The following MMP16 variants were observed in gnomAD, a reference collection of about 807,000 sequenced individuals.
The protein encoded by MMP16 is matrix metallopeptidase 16, also known as matrix metalloproteinase-16.
MMP16 carries 12 observed loss-of-function variants against 67.8 expected under a neutral mutation model. The observed-to-expected ratio is 0.18, with a 90% CI of 0.11 to 0.29. The LOEUF (loss-of-function observed/expected upper bound fraction) is 0.29. Ranked by LOEUF, MMP16 falls within the 10% of genes least tolerant of loss-of-function variation. The pLI, the probability that MMP16 is intolerant of heterozygous loss-of-function variation, is 1.00. For missense variants in MMP16, 475 were observed against 765.7 expected (o/e 0.62, Z 4.48); for synonymous variants, 249 against 255.9 (o/e 0.97, Z 0.26).
intron 7 of MMP16, among the ~76,000 whole-genome samples, chr8:88,072,809 T>C (rs1042609400): frequency 6.6e-6 from 1 of 152,174 alleles, no homozygotes; most frequent in Non-Finnish European, 1.5e-5. Context: ...GTGGGTAATT[T>C]CAATTCTTTT....
intron 4 of MMP16, among the ~76,000 whole-genome samples, chr8:88,144,037 G>C (rs1248617875): frequency 1.3e-5 from 2 of 151,822 alleles, no homozygotes; most frequent in African/African-American, 4.8e-5. Flanking sequence ...AATAAACTGT[G>C]CCAGTAAAAT....
In MMP16 at chr8:88,041,846, T is replaced by C. The variant is rs751418739; in HGVS notation, c.1490-51A>G. On this transcript the variant is annotated intron_variant, in intron 9 of 9. Transcript: ENST00000286614. The surrounding 1 kb of genome is among the most constrained non-coding windows in gnomAD (Gnocchi z 6.0). ...CAGGTACCACTTATTTGTGACAGTG[T>C]ATATGTAGAGAAATGTTACTAAAAT... 26 of 1,354,096 alleles carry C rather than the reference T, an allele frequency of 1.9e-5. No homozygotes were observed. Among genetic ancestry groups the C allele is most frequent in the Non-Finnish European group, 2.6e-5 (25 of 976,066 alleles). 83.9% of individuals were successfully genotyped at this position (1,354,096 alleles called of 1,614,324 possible). A position where few individuals can be genotyped will look rare whatever the true frequency, so the allele number is the denominator to read the frequency against.
intron 4 of MMP16, among the ~76,000 whole-genome samples, chr8:88,159,463 TTGTC>T (rs1359542903): frequency 6.6e-6 from 1 of 152,310 alleles, no homozygotes; most frequent in Admixed American, 6.5e-5. Flanking sequence ...GGCTCTCTGT[TTGTC>T]TGTTATTGGT....
intron 3 of MMP16, 44 bp downstream of exon 3, chr8:88,186,432 A>G (rs1249018040): frequency 6.2e-7 from 1 of 1,610,224 alleles, no homozygotes; most frequent in Admixed American, 1.7e-5. Context: ...ACAAATAGTA[A>G]TGAAATATGG....
chr8:88,106,445 TCAA>T (rs1809243324), intron 6 of MMP16, among the ~76,000 whole-genome samples: 1 of 151,486 alleles, frequency 6.6e-6, no homozygotes, highest in African/African-American at 2.4e-5. Flanking sequence ...CAGTTTTCTG[TCAA>T]CAAATGCTGA....
intron 4 of MMP16, among the ~76,000 whole-genome samples, chr8:88,126,074 T>C (rs2118457902): frequency 6.6e-6 from 1 of 152,018 alleles, no homozygotes; most frequent in South Asian, 2.1e-4. Flanking sequence ...GTGCCACTAC[T>C]TCCAGACCAG....
At chr8:88,222,785 G>A (rs1809706261) in intron 1 of MMP16, among the ~76,000 whole-genome samples, 1 of 152,152 alleles carries the variant, frequency 6.6e-6, no homozygotes, top group Non-Finnish European at 1.5e-5. Flanking sequence ...ATAGGCATGG[G>A]CAAGGGCTTC....
chr8:88,184,725 C>T (rs932817250), intron 3 of MMP16, among the ~76,000 whole-genome samples: 4 of 107,854 alleles, frequency 3.7e-5, no homozygotes, highest in African/African-American at 7.4e-5. Context: ...CAGGCCTGAG[C>T]GACAGAGTGA....
At chr8:88,317,843 A>C (rs1811398169) in intron 1 of MMP16, among the ~76,000 whole-genome samples, 1 of 152,158 alleles carries the variant, frequency 6.6e-6, no homozygotes, top group Non-Finnish European at 1.5e-5. Context: ...TCTCTCCACA[A>C]TAAAGGCAAC....
chr8:88,167,016 A>G (rs539221818), intron 4 of MMP16, among the ~76,000 whole-genome samples: 18 of 152,188 alleles, frequency 1.2e-4, no homozygotes, highest in African/African-American at 4.3e-4. Flanking sequence ...GTTAGAGACC[A>G]GCCTGACCAA....
At chr8:88,278,955 A>T (rs1261320047) in intron 1 of MMP16, among the ~76,000 whole-genome samples, 2 of 152,180 alleles carry the variant, frequency 1.3e-5, no homozygotes, top group African/African-American at 4.8e-5. Context: ...TACTAGACTC[A>T]TGTGGCTATT....
At chr8:88,283,064 C>T (rs1444804387) in intron 1 of MMP16, among the ~76,000 whole-genome samples, 1 of 152,052 alleles carries the variant, frequency 6.6e-6, no homozygotes, top group Admixed American at 6.6e-5. Flanking sequence ...CTAAACATCT[C>T]ATGCATAATA....
At chr8:88,251,006 C>T (rs1224416707) in intron 1 of MMP16, among the ~76,000 whole-genome samples, 5 of 150,554 alleles carry the variant, frequency 3.3e-5, no homozygotes, top group Admixed American at 6.6e-5. Context: ...CAATTCCCAC[C>T]TATGAGTGAG....
At chr8:88,324,275 A>T (rs1811505086) in intron 1 of MMP16, among the ~76,000 whole-genome samples, 1 of 152,188 alleles carries the variant, frequency 6.6e-6, no homozygotes, top group African/African-American at 2.4e-5. Flanking sequence ...CATATTAAAA[A>T]TATCTCTCAC....
At chr8:88,156,854 TAAGAG>T (rs1195815244) in intron 4 of MMP16, among the ~76,000 whole-genome samples, 4 of 152,086 alleles carry the variant, frequency 2.6e-5, no homozygotes, top group African/African-American at 9.7e-5. Context: ...AGAGACTATG[TAAGAG>T]AAGAGAAATA....
At chr8:88,096,505 G>C (rs908446648) in intron 6 of MMP16, among the ~76,000 whole-genome samples, 1 of 140,976 alleles carries the variant, frequency 7.1e-6, no homozygotes, top group African/African-American at 2.6e-5. Context: ...TTCTTCAAAG[G>C]ATCACTGCCA....
chr8:88,252,157 G>C (rs1473201467), intron 1 of MMP16, among the ~76,000 whole-genome samples: 1 of 148,242 alleles, frequency 6.7e-6, no homozygotes, highest in African/African-American at 2.5e-5. Context: ...TATACCCAAA[G>C]GACTATAAAT....
At chr8:88,166,688 CATATATATATATATATATATATAT>C (rs1166566212) in intron 4 of MMP16, among the ~76,000 whole-genome samples, 904 of 58,404 alleles carry the variant, frequency 0.015, 22 homozygotes, top group African/African-American at 0.044. Context: ...CAAAAAATTA[CATATATATATATATATATATATAT>C]ATATATATAT....
chr8:88,325,772 T>C (rs1811526689), intron 1 of MMP16, among the ~76,000 whole-genome samples: 1 of 152,238 alleles, frequency 6.6e-6, no homozygotes, highest in African/African-American at 2.4e-5. Context: ...TCATACTTAA[T>C]ATCTGTGAAG....
Sources: allele counts gnomAD v4.1 joint callset (sites outside exome capture counted in the v4.1 genomes callset), GRCh38; gene constraint gnomAD v4.1.1; non-coding constraint Gnocchi (gnomAD v3.1); transcripts MANE v1.5; gene names NCBI Gene and HGNC (gene_info 2026-07-23, HGNC 2026-07-21).